GAS2: variants seen among roughly 807,000 people sequenced by gnomAD.
GAS2 encodes the protein growth arrest-specific protein 2.
GAS2 carries 20 observed loss-of-function variants against 37.5 expected under a neutral mutation model. The observed-to-expected ratio is 0.53, with a 90% CI of 0.37 to 0.77. GAS2 has a LOEUF of 0.77. Among genes scored for constraint, GAS2 ranks in the 30% least tolerant of loss-of-function variants. The probability of loss-of-function intolerance (pLI) is 0.00; values close to 1 mark genes in which losing one functional copy is unlikely to be tolerated. For synonymous variants in GAS2, 144 were observed against 132.2 expected, an observed-to-expected ratio of 1.09 and a Z score of -0.61; for missense variants, 336 against 373.4, an observed-to-expected ratio of 0.90 and a Z score of 0.82.
chr11:22,777,902 AG>A (rs2134465557), intron 7 of GAS2, among the ~76,000 whole-genome samples: 1 of 152,320 alleles, frequency 6.6e-6, no homozygotes, highest in Non-Finnish European at 1.5e-5. Flanking sequence ...AAGAAACCAA[AG>A]GCAATTCTGC....
chr11:22,700,185 A>T (rs770836015), intron 3 of GAS2, among the ~76,000 whole-genome samples: 5 of 152,060 alleles, frequency 3.3e-5, no homozygotes, highest in Non-Finnish European at 5.9e-5. Context: ...TGTTCTATTC[A>T]TCTGTGAGTC....
chr11:22,785,201 C>A (rs1161006092), intron 7 of GAS2, among the ~76,000 whole-genome samples: 2 of 152,080 alleles, frequency 1.3e-5, no homozygotes, highest in Admixed American at 1.3e-4. Flanking sequence ...AACAAAAATC[C>A]CCCCATAGCA....
intron 3 of GAS2, among the ~76,000 whole-genome samples, chr11:22,707,003 C>T: frequency 6.6e-6 from 1 of 152,054 alleles, no homozygotes; most frequent in Non-Finnish European, 1.5e-5. Flanking sequence ...CCTGTTGTTT[C>T]CTGACTTTTT....
intron 7 of GAS2, among the ~76,000 whole-genome samples, chr11:22,771,113 A>G (rs1043179563): frequency 7.9e-5 from 12 of 152,168 alleles, no homozygotes; most frequent in African/African-American, 2.2e-4. Flanking sequence ...ATGAGGTACT[A>G]AAACACTGTT....
At chr11:22,708,740 G>C (rs1590681910) in intron 3 of GAS2, among the ~76,000 whole-genome samples, 1 of 152,328 alleles carries the variant, frequency 6.6e-6, no homozygotes, top group Middle Eastern at 3.4e-3. Context: ...ACCAGTCACT[G>C]TTCCATTCCT....
chr11:22,704,245 A>G (rs1290412057), intron 3 of GAS2, among the ~76,000 whole-genome samples: 1 of 152,050 alleles, frequency 6.6e-6, no homozygotes, highest in Non-Finnish European at 1.5e-5. Context: ...CCTGTGGATC[A>G]TTTCTCCTCA....
chr11:22,685,916 CAG>C (rs1280429155), intron 3 of GAS2, 127 bp downstream of exon 3: 8 of 780,754 alleles, frequency 1.0e-5, no homozygotes, highest in Non-Finnish European at 1.5e-5. Flanking sequence ...CAACAAAGTA[CAG>C]AGAGTTCTTT....
At chr11:22,676,325 C>T (rs1262288248) in intron 2 of GAS2, among the ~76,000 whole-genome samples, 1 of 152,098 alleles carries the variant, frequency 6.6e-6, no homozygotes. Context: ...TCTCTCTCTT[C>T]TGTCTTTTTG....
intron 3 of GAS2, among the ~76,000 whole-genome samples, chr11:22,725,316 T>C (rs1033385160): frequency 6.6e-6 from 1 of 152,116 alleles, no homozygotes; most frequent in African/African-American, 2.4e-5. Context: ...TGATGCAGAA[T>C]GTAAACCATG....
intron 7 of GAS2, among the ~76,000 whole-genome samples, chr11:22,800,401 G>C (rs1856610689): frequency 6.6e-6 from 1 of 152,074 alleles, no homozygotes; most frequent in Non-Finnish European, 1.5e-5. Flanking sequence ...CTGTAGCTAA[G>C]AATGTCTGAG....
At chr11:22,698,589 T>G (rs1347983453) in intron 3 of GAS2, among the ~76,000 whole-genome samples, 1 of 149,206 alleles carries the variant, frequency 6.7e-6, no homozygotes, top group Non-Finnish European at 1.5e-5. Flanking sequence ...TAGACCAATA[T>G]CCTTGATGAA....
chr11:22,720,938 C>T (rs1476609367), intron 3 of GAS2, among the ~76,000 whole-genome samples: 1 of 151,970 alleles, frequency 6.6e-6, no homozygotes, highest in Non-Finnish European at 1.5e-5. Context: ...CCTGGACAAA[C>T]ATTTGGGAAA....
At chr11:22,761,208 T>G (rs1172443568) in intron 7 of GAS2, among the ~76,000 whole-genome samples, 1 of 152,208 alleles carries the variant, frequency 6.6e-6, no homozygotes, top group Non-Finnish European at 1.5e-5. Flanking sequence ...CTCAGTTTTT[T>G]CTCTACTAAT....
intron 5 of GAS2, among the ~76,000 whole-genome samples, chr11:22,748,568 G>C (rs376024037): frequency 2.6e-5 from 4 of 151,938 alleles, no homozygotes; most frequent in African/African-American, 7.2e-5. Context: ...CTTTCATTAT[G>C]CTATTCCTAG....
intron 2 of GAS2, among the ~76,000 whole-genome samples, chr11:22,678,525 C>T (rs1336344612): frequency 1.3e-5 from 2 of 151,918 alleles, no homozygotes; most frequent in Non-Finnish European, 2.9e-5. Flanking sequence ...TGATATATCT[C>T]CTCTGAATTC....
intron 7 of GAS2, among the ~76,000 whole-genome samples, chr11:22,781,978 C>A (rs1046435784): frequency 6.6e-6 from 1 of 152,144 alleles, no homozygotes. Context: ...TTATACTAAT[C>A]AGTTGATGGT....
intron 3 of GAS2, among the ~76,000 whole-genome samples, chr11:22,707,096 G>A (rs908454526): frequency 1.8e-4 from 27 of 152,174 alleles, no homozygotes; most frequent in African/African-American, 6.5e-4. Context: ...GAGATATATT[G>A]AGACCAGGTG....
chr11:22,716,324 C>T (rs1314295131), intron 3 of GAS2, among the ~76,000 whole-genome samples: 1 of 152,050 alleles, frequency 6.6e-6, no homozygotes, highest in Non-Finnish European at 1.5e-5. Context: ...GAAGTCCTAG[C>T]CAAAGCAATC....
intron 1 of GAS2, among the ~76,000 whole-genome samples, chr11:22,627,406 G>A (rs998972721): frequency 5.9e-5 from 9 of 152,198 alleles, no homozygotes; most frequent in African/African-American, 2.2e-4. Flanking sequence ...AACCTCAAAT[G>A]TGATAGTAGG....
Sources: allele counts gnomAD v4.1 joint callset (sites outside exome capture counted in the v4.1 genomes callset), GRCh38; gene constraint gnomAD v4.1.1; transcripts MANE v1.5; gene names NCBI Gene and HGNC (gene_info 2026-07-23, HGNC 2026-07-21).